Variants in IQSEC2 observed in about 807,000 individuals in gnomAD.
The protein encoded by IQSEC2 is IQ motif and Sec7 domain ArfGEF 2.
IQSEC2 carries 6 observed loss-of-function variants against 74.6 expected under a neutral mutation model. That is an observed-to-expected ratio of 0.08 (90% CI 0.04 to 0.16). The LOEUF is 0.16. IQSEC2 is among the 10% of genes least tolerant of loss of function. The probability of loss-of-function intolerance (pLI) is 1.00; values close to 1 mark genes in which losing one functional copy is unlikely to be tolerated. For missense variants in IQSEC2, 734 were observed against 1,306.2 expected, an observed-to-expected ratio of 0.56 and a Z score of 6.75; for synonymous variants, 494 against 544.5, an observed-to-expected ratio of 0.91 and a Z score of 1.29.
intron 5 of IQSEC2, among the ~76,000 whole-genome samples, chrX:53,249,736 A>G (rs1569301215): frequency 2.7e-5 from 3 of 111,924 alleles, no homozygotes; most frequent in African/African-American, 9.8e-5. Context: ...CCTCACTCCT[A>G]AACACCTGGC....
intron 2 of IQSEC2, chrX:53,279,471 C>CT (rs1165482854): frequency 1.9e-6 from 1 of 525,528 alleles, no homozygotes; most frequent in Non-Finnish European, 3.3e-6. Flanking sequence ...ACAGGCACAG[C>CT]AGGGGCTCAG....
chrX:53,243,286 G>A (rs1556861284), intron 9 of IQSEC2, 46 bp downstream of exon 9: 2 of 1,105,620 alleles, frequency 1.8e-6, no homozygotes, highest in Admixed American at 2.6e-5. Flanking sequence ...TAGTGGCAGA[G>A]GCAGACCTGA....
intron 4 of IQSEC2, 140 bp downstream of exon 4, chrX:53,254,390 G>T: frequency 2.0e-6 from 1 of 498,730 alleles, no homozygotes; most frequent in Non-Finnish European, 3.2e-6. Flanking sequence ...TATTCTCACA[G>T]TCCCAACTCA....
At chrX:53,306,623 C>T (rs895899126) in intron 1 of IQSEC2, among the ~76,000 whole-genome samples, 1 of 111,544 alleles carries the variant, frequency 9.0e-6, no homozygotes, top group East Asian at 2.8e-4. Flanking sequence ...AAGTAGCTTT[C>T]GCCTTAGTTT....
Position 53,254,902 on chromosome X carries a change from G to A in IQSEC2, c.1029C>T (p.Gly343=), listed in dbSNP as rs1164513924. The change falls in exon 4 of 15, where the codon GGC becomes GGT. Residue 343 remains glycine, a synonymous_variant. Coordinates refer to ENST00000642864, the MANE Select transcript of IQSEC2 (RefSeq NM_001111125.3). ...TGGCAGCCCTGCGGCTCAGGAAGGA[G>A]CCCCCATACTTCCTCTCCAGCATTT... ...KVEMLERKYG[G]SFLSRRAART... is the part of the protein sequence containing the mutation. 3 of 1,207,922 alleles carry A rather than the reference G, an allele frequency of 2.5e-6. No homozygotes were observed. The highest frequency in any genetic ancestry group is 3.4e-6 in the Non-Finnish European group (3 of 894,371).
chrX:53,306,034 C>G (rs1556876531), intron 1 of IQSEC2, among the ~76,000 whole-genome samples: 2 of 112,798 alleles, frequency 1.8e-5, no homozygotes, highest in South Asian at 3.6e-4. Flanking sequence ...AACTAGCTCT[C>G]TAGCCCTGCC....
At chrX:53,252,431 A>T (rs185742123) in intron 4 of IQSEC2, among the ~76,000 whole-genome samples, 56 of 111,004 alleles carry the variant, frequency 5.0e-4, no homozygotes, top group African/African-American at 1.4e-3. Context: ...ATTAAAAAAA[A>T]TTTTTTTAAT....
At chrX:53,266,620 C>T in intron 2 of IQSEC2, 2 of 807,062 alleles carry the variant, frequency 2.5e-6, no homozygotes, top group South Asian at 5.0e-5. Context: ...CATTTGGAGA[C>T]CTCTCCAGTA....
rs782585446 is a variant in IQSEC2, at chrX:53,234,323, T to G, written c.4363A>C (p.Thr1455Pro). The G allele has an allele frequency of 4.6e-4, 89 of 192,292 alleles. No individual in the cohort carries two copies. Among genetic ancestry groups the G allele is most frequent in the South Asian group, 8.7e-4 (8 of 9,237 alleles). 15.8% of individuals were successfully genotyped at this position (192,292 alleles called of 1,213,427 possible). The change falls in exon 15 of 15, where the codon ACC becomes CCC. Residue 1455 changes from threonine (T) to proline (P), a missense_variant. Thr to Pro is a conservative substitution (Grantham distance 38). Coordinates refer to ENST00000642864, the MANE Select transcript of IQSEC2 (RefSeq NM_001111125.3). ...GCGTGCAGCGGGCCATGGGGGGAGGTGGGTGGAAGGGGTGAGTGCGGGGTG... is the reference window on the plus strand; with the variant it reads ...GCGTGCAGCGGGCCATGGGGGGAGGGGGGTGGAAGGGGTGAGTGCGGGGTG... ...PHTPHSPLPP[T>P]SPHGPLHASG...
intron 8 of IQSEC2, 128 bp downstream of exon 8, chrX:53,246,841 G>T: frequency 1.6e-6 from 1 of 616,265 alleles, no homozygotes; most frequent in Non-Finnish European, 2.6e-6. Flanking sequence ...GGAACATCCA[G>T]CTAGGGCAGA....
chrX:53,262,142 G>A (rs1294888774), intron 2 of IQSEC2, among the ~76,000 whole-genome samples: 1 of 112,271 alleles, frequency 8.9e-6, no homozygotes, highest in Non-Finnish European at 1.9e-5. Flanking sequence ...GTCTTGCCTG[G>A]AAGGAGTTGG....
At chrX:53,267,006 A>T in intron 2 of IQSEC2, 1 of 1,154,724 alleles carries the variant, frequency 8.7e-7, no homozygotes, top group East Asian at 3.3e-5. Flanking sequence ...GCCGGACAGC[A>T]GAACTGGTGA....
intron 3 of IQSEC2, 102 bp from the exon 4 acceptor site, chrX:53,255,033 C>T (rs1231758681): frequency 2.4e-6 from 2 of 841,976 alleles, no homozygotes; most frequent in Non-Finnish European, 3.4e-6. Flanking sequence ...TGGCTGACTG[C>T]TTACAGCCAC....
intron 2 of IQSEC2, 86 bp downstream of exon 2, chrX:53,291,809 C>T: frequency 1.1e-6 from 1 of 896,617 alleles, no homozygotes; most frequent in East Asian, 3.5e-5. Context: ...TCCCCTTGCC[C>T]ATGGATCCTG....
chrX:53,304,891 A>G lies in IQSEC2; in HGVS notation c.708-12967T>C, dbSNP rs1206247249. Among the ~76,000 whole-genome samples, 3 of 111,739 alleles carry G rather than the reference A, an allele frequency of 2.7e-5. No individual in the cohort carries two copies. The Admixed American group carries it at 2.8e-4, about 11-fold the overall frequency. ...AGCATATTCTGCCTTATAATAATCC[A>G]AATAATCATAAAGTTACTATTTATT... On this transcript the variant is annotated intron_variant, in intron 1 of 14. Transcript: ENST00000642864.
At position 53,321,169 on chromosome X, in the gene IQSEC2, C is replaced by T. The variant is rs782681761; in HGVS notation, c.-46G>A. ...GGAACGGGCAGGAGAGCCCTGTCCC[C>T]GCTCTCTCACGGCGCCACCCTCCCC... On this transcript the variant is annotated 5_prime_UTR_variant, in exon 1 of 15. Transcript: ENST00000642864. The T allele has an allele frequency of 1.2e-6, 1 of 833,086 alleles. No homozygotes were observed. Among genetic ancestry groups the T allele is most frequent in the Non-Finnish European group, 1.7e-6 (1 of 588,817 alleles). The allele number at this position is 833,086 out of a possible 1,213,427, so 68.7% of individuals were successfully genotyped here. A position where few individuals can be genotyped will look rare whatever the true frequency, so the allele number is the denominator to read the frequency against.
At chrX:53,247,831 G>A (rs1211925510) in intron 7 of IQSEC2, among the ~76,000 whole-genome samples, 2 of 112,305 alleles carry the variant, frequency 1.8e-5, no homozygotes, top group Admixed American at 9.4e-5. Context: ...AAATAATCAT[G>A]TAAAGTGCTC....
Position 53,292,918 on chromosome X carries a change from G to A in IQSEC2, c.708-994C>T, listed in dbSNP as rs368858108. On this transcript the variant is annotated intron_variant, in intron 1 of 14. Coordinates refer to ENST00000642864, the MANE Select transcript of IQSEC2 (RefSeq NM_001111125.3). ...TTGAAAGTGGGAGCGTGTGGGACAC[G>A]GACATCCCCCTTGTCATCTTCCTCC... Among the ~76,000 whole-genome samples the A allele has an allele frequency of 1.8e-4, 20 of 111,771 alleles. No individual in the cohort carries two copies. In the South Asian group the frequency reaches 7.5e-3, roughly 42 times the overall value.
At chrX:53,303,957 C>G (rs1556876045) in intron 1 of IQSEC2, among the ~76,000 whole-genome samples, 1 of 109,982 alleles carries the variant, frequency 9.1e-6, no homozygotes, top group East Asian at 2.9e-4. Context: ...GGTGAAACCC[C>G]GTCTCTACTA....
Sources: allele counts gnomAD v4.1 joint callset (sites outside exome capture counted in the v4.1 genomes callset), GRCh38; gene constraint gnomAD v4.1.1; transcripts MANE v1.5; gene names NCBI Gene and HGNC (gene_info 2026-07-23, HGNC 2026-07-21).